EZH1: variants seen among roughly 807,000 people sequenced by gnomAD.
EZH1 encodes the protein histone-lysine N-methyltransferase EZH1.
A neutral mutation model predicts 100.5 loss-of-function variants in EZH1; 33 were observed. The ratio of observed to expected loss-of-function variants is 0.33; its 90% CI spans 0.25 to 0.44. EZH1 has a LOEUF of 0.44. EZH1 is among the 20% of genes least tolerant of loss of function. EZH1 has a pLI of 1.00. For synonymous variants in EZH1, 272 were observed against 313.8 expected, an observed-to-expected ratio of 0.87 and a Z score of 1.41; for missense variants, 475 against 928.4, an observed-to-expected ratio of 0.51 and a Z score of 6.35.
intron 14 of EZH1, 122 bp from the exon 15 acceptor site, chr17:42,708,205 T>G (rs2053400825): frequency 8.3e-7 from 1 of 1,210,872 alleles, no homozygotes; most frequent in Non-Finnish European, 1.1e-6. Flanking sequence ...GGACACACAT[T>G]TAGCACCTGA....
Position 42,718,220 on chromosome 17 carries a change from C to T in EZH1, c.932-153G>A. ...AAAATTCAGTCATTTCTGACATCAA[C>T]ACAATGCTTTCAAAGCTAAGAGGTA... On this transcript the variant is annotated intron_variant, in intron 9 of 20. Coordinates refer to ENST00000428826, the MANE Select transcript of EZH1 (RefSeq NM_001991.5). This position sits in a 1 kb window ranked among gnomAD's most constrained non-coding sequence, Gnocchi z 4.2. 5.9e-6 allele frequency: 5 copies of T among 850,284 alleles called. No homozygotes were observed. Among genetic ancestry groups the T allele is most frequent in the Non-Finnish European group, 9.1e-6 (5 of 548,172 alleles). The allele number at this position is 850,284 out of a possible 1,614,324, so 52.7% of individuals were successfully genotyped here. A position where few individuals can be genotyped will look rare whatever the true frequency, so the allele number is the denominator to read the frequency against.
At chr17:42,725,060 G>A (rs984789733) in intron 4 of EZH1, among the ~76,000 whole-genome samples, 5 of 151,736 alleles carry the variant, frequency 3.3e-5, no homozygotes, top group East Asian at 2.0e-4. Flanking sequence ...CCAGCTACTC[G>A]GGAGGCTGAG....
In EZH1 at chr17:42,720,297, T is replaced by G. The variant is rs746283926; in HGVS notation, c.640A>C (p.Lys214Gln). The G allele has an allele frequency of 1.2e-6, 2 of 1,613,916 alleles. No homozygotes were observed. Among genetic ancestry groups the G allele is most frequent in the South Asian group, 2.2e-5 (2 of 91,038 alleles). ...CCTTCAATAGCATGTCGCTTTCTCT[T>G]TCTTGTTACTGGCAGATCTTCTTTG... ...DSKEDLPVTRKRKRHAIEGNK... is the reference protein window; with the variant it reads ...DSKEDLPVTRQRKRHAIEGNK... The change falls in exon 7 of 21, where the codon AAG (lysine) becomes CAG (glutamine). Residue 214 changes from lysine to glutamine, a missense_variant. Physicochemically the swap from Lys to Gln is moderately conservative, Grantham distance 53. Coordinates refer to ENST00000428826, the MANE Select transcript of EZH1 (RefSeq NM_001991.5).
At chr17:42,722,753 T>A (rs774939424) in intron 6 of EZH1, 42 bp downstream of exon 6, 2 of 1,598,974 alleles carry the variant, frequency 1.3e-6, no homozygotes, top group Admixed American at 1.7e-5. Context: ...AGAAGAGGCC[T>A]GATTCTAACA....
rs1483385329 is a variant in EZH1, at chr17:42,720,270, T to C, written c.664+3A>G. The C allele has an allele frequency of 6.2e-7, 1 of 1,612,108 alleles. No individual in the cohort carries two copies. The highest frequency in any genetic ancestry group is 8.5e-7 in the Non-Finnish European group (1 of 1,179,180). ...AAGGAATAAGGGAGCCAGTGCTACG[T>C]ACCTTCAATAGCATGTCGCTTTCTC... On this transcript the variant is annotated splice_donor_region_variant and intron_variant, in intron 7 of 20. Coordinates refer to ENST00000428826, the MANE Select transcript of EZH1 (RefSeq NM_001991.5).
At chr17:42,744,044 C>A (rs1482123364) in intron 1 of EZH1, among the ~76,000 whole-genome samples, 2 of 152,044 alleles carry the variant, frequency 1.3e-5, no homozygotes, top group East Asian at 3.9e-4. Context: ...TGTTAGTGTA[C>A]CTGAGCTCCT....
Position 42,719,132 on chromosome 17 carries a change from T to C in EZH1, c.740A>G (p.Asn247Ser). Residue 247 changes from asparagine to serine, a missense_variant, in exon 8 of 21, where the codon AAT becomes AGT. Physicochemically the swap from Asn to Ser is conservative, Grantham distance 46. Coordinates refer to ENST00000428826, the MANE Select transcript of EZH1 (RefSeq NM_001991.5). Reference sequence around the variant, plus strand: ...CTCCTTCATGTCATCTGGGACACCATTCTCAGGGAACATTGAGGCAATTGC... The same window carrying C: ...CTCCTTCATGTCATCTGGGACACCACTCTCAGGGAACATTGAGGCAATTGC... ...FSAIASMFPE[N>S]GVPDDMKERY... 6.2e-7 allele frequency: 1 copy of C among 1,613,968 alleles called. No homozygotes were observed. The highest frequency in any genetic ancestry group is 8.5e-7 in the Non-Finnish European group (1 of 1,179,890).
At chr17:42,721,115 C>T (rs2053697775) in intron 6 of EZH1, among the ~76,000 whole-genome samples, 1 of 152,154 alleles carries the variant, frequency 6.6e-6, no homozygotes, top group Non-Finnish European at 1.5e-5. Context: ...TCAGTAATGA[C>T]GTCTCTAAAT....
rs778178656 is a variant in EZH1 at position 42,735,130 on chromosome 17, T to C, written c.-102-4212A>G. Reference sequence around the variant, plus strand: ...AATGGAATAGAACATAATCTACAGATGCTGTCGTGTCTGGCTGGCTGTGGT... The same window carrying C: ...AATGGAATAGAACATAATCTACAGACGCTGTCGTGTCTGGCTGGCTGTGGT... On this transcript the variant is annotated intron_variant, in intron 1 of 20. Transcript: ENST00000428826. Among the ~76,000 whole-genome samples, 38 of 152,098 alleles carry C rather than the reference T, an allele frequency of 2.5e-4. 1 individual carries two copies. Among genetic ancestry groups the C allele is most frequent in the Non-Finnish European group, 1.9e-4 (13 of 68,008 alleles).
At chr17:42,705,312 A>T (rs1317092078) in intron 16 of EZH1, 129 bp from the exon 17 acceptor site, 1 of 564,122 alleles carries the variant, frequency 1.8e-6, no homozygotes, top group Non-Finnish European at 3.2e-6. Context: ...CTGAAAGCAG[A>T]AAAAGGTCTA....
At chr17:42,711,011 G>A (rs1207578134) in intron 12 of EZH1, among the ~76,000 whole-genome samples, 1 of 152,102 alleles carries the variant, frequency 6.6e-6, no homozygotes, top group Admixed American at 6.6e-5. Context: ...AAGCATTGGG[G>A]TTCCTTTCCT....
At chr17:42,703,675 C>T (rs777763277) in intron 19 of EZH1, 65 bp downstream of exon 19, 25 of 1,160,576 alleles carry the variant, frequency 2.2e-5, no homozygotes, top group Non-Finnish European at 3.1e-5. Context: ...TGTTCAACAA[C>T]GAATGGAAAT....
At chr17:42,730,769 T>A (rs2053931401) in intron 2 of EZH1, 59 bp downstream of exon 2, 1 of 812,132 alleles carries the variant, frequency 1.2e-6, no homozygotes, top group African/African-American at 1.9e-5. Context: ...GTGCTGGGAT[T>A]ACAGGCGTGA....
At chr17:42,741,258 C>T (rs2054170238) in intron 1 of EZH1, among the ~76,000 whole-genome samples, 2 of 152,092 alleles carry the variant, frequency 1.3e-5, no homozygotes, top group Admixed American at 6.6e-5. Context: ...CTCCCTTTGT[C>T]GCCCAGGCTA....
At chr17:42,727,605 G>A (rs764505751) in intron 4 of EZH1, 30 bp downstream of exon 4, 20 of 1,592,396 alleles carry the variant, frequency 1.3e-5, no homozygotes, top group Non-Finnish European at 4.3e-6. Flanking sequence ...AAGGAAGAGA[G>A]GAAGACTGAG....
intron 5 of EZH1, 119 bp downstream of exon 5, chr17:42,724,186 C>T (rs1041284993): frequency 1.7e-6 from 2 of 1,170,482 alleles, no homozygotes; most frequent in Non-Finnish European, 2.5e-6. Flanking sequence ...CCTTGTTCTG[C>T]CCTGCATGTC....
chr17:42,742,154 T>C lies in EZH1; in HGVS notation c.-103+2857A>G, dbSNP rs140819363. The stretch of plus-strand genomic sequence containing the variant: ...AGTGCTGTCTCTCTTTTTTTTTTTT[T>C]TCCCAAGACAGAGTCTCACTCTTTC... On this transcript the variant is annotated intron_variant, in intron 1 of 20. Transcript: ENST00000428826. Among the ~76,000 whole-genome samples, 1,474 of 151,762 alleles carry C rather than the reference T, an allele frequency of 9.7e-3. 27 individuals are homozygous for C. Among genetic ancestry groups the C allele is most frequent in the African/African-American group, 0.034 (1,425 of 41,346 alleles).
intron 10 of EZH1, among the ~76,000 whole-genome samples, chr17:42,715,927 A>AT (rs1052772462): frequency 2.6e-5 from 4 of 151,948 alleles, no homozygotes; most frequent in Admixed American, 2.6e-4. Flanking sequence ...CATGCCTGTA[A>AT]TCCCAGCTAC....
chr17:42,703,268 G>C, intron 19 of EZH1: 1 of 335,056 alleles, frequency 3.0e-6, no homozygotes, highest in Non-Finnish European at 5.7e-6. Context: ...TCTGCCTCCA[G>C]GGTTCAAGCG....
Sources: gnomAD v4.1 joint callset for allele counts (sites outside exome capture counted in the v4.1 genomes callset) on GRCh38, gnomAD v4.1.1 for gene constraint, Gnocchi (gnomAD v3.1) non-coding constraint, MANE v1.5 for transcripts, NCBI Gene and HGNC (gene_info 2026-07-23, HGNC 2026-07-21) for gene names.